The following ZNF385B variants were observed in gnomAD, a reference collection of about 807,000 sequenced individuals.
ZNF385B encodes zinc finger protein 533.
Under a neutral mutation model 39.2 loss-of-function variants are expected in ZNF385B, and 23 were observed. The ratio of observed to expected loss-of-function variants is 0.59; its 90% CI spans 0.42 to 0.83. The LOEUF (loss-of-function observed/expected upper bound fraction) is 0.83. Ranked by LOEUF, ZNF385B falls within the 40% of genes least tolerant of loss-of-function variation. The pLI is 0.00. For missense variants in ZNF385B, 552 were observed against 598.9 expected, an observed-to-expected ratio of 0.92 and a Z score of 0.82; for synonymous variants, 205 against 222.6, an observed-to-expected ratio of 0.92 and a Z score of 0.70.
At chr2:179,573,710 A>C (rs1685489976) in intron 3 of ZNF385B, among the ~76,000 whole-genome samples, 1 of 152,130 alleles carries the variant, frequency 6.6e-6, no homozygotes, top group South Asian at 2.1e-4. Context: ...GTAAGGGAAA[A>C]ATAAAAAACG....
intron 3 of ZNF385B, among the ~76,000 whole-genome samples, chr2:179,695,794 G>T (rs1698690936): frequency 6.6e-6 from 1 of 152,160 alleles, no homozygotes; most frequent in South Asian, 2.1e-4. Context: ...GTATGCAATT[G>T]TTTACAGCGG....
At chr2:179,820,182 T>C (rs1575551249) in intron 1 of ZNF385B, among the ~76,000 whole-genome samples, 1 of 152,152 alleles carries the variant, frequency 6.6e-6, no homozygotes, top group African/African-American at 2.4e-5. Context: ...TAATTTTCTA[T>C]AATACCTACT....
At chr2:179,788,214 C>T (rs947390192) in intron 1 of ZNF385B, among the ~76,000 whole-genome samples, 11 of 152,048 alleles carry the variant, frequency 7.2e-5, no homozygotes, top group African/African-American at 9.7e-5. Flanking sequence ...CACACACACA[C>T]GCACACACAC....
intron 1 of ZNF385B, among the ~76,000 whole-genome samples, chr2:179,825,686 C>T (rs1707640145): frequency 6.6e-6 from 1 of 152,144 alleles, no homozygotes; most frequent in Admixed American, 6.6e-5. Context: ...CACAAGATGA[C>T]TCACCAAGCC....
chr2:179,458,615 TG>T (rs1400787627), intron 6 of ZNF385B, among the ~76,000 whole-genome samples: 1 of 152,194 alleles, frequency 6.6e-6, no homozygotes, highest in Non-Finnish European at 1.5e-5. Flanking sequence ...GTCACTCTTT[TG>T]TAAGAGAAGT....
chr2:179,638,463 G>T (rs1691961606), intron 3 of ZNF385B, among the ~76,000 whole-genome samples: 1 of 152,094 alleles, frequency 6.6e-6, no homozygotes, highest in Admixed American at 6.6e-5. Context: ...GTGTGTTGTA[G>T]GACTGAGGAA....
At chr2:179,630,227 C>T (rs1691069548) in intron 3 of ZNF385B, among the ~76,000 whole-genome samples, 2 of 152,258 alleles carry the variant, frequency 1.3e-5, no homozygotes. Flanking sequence ...GGGTCCCTGA[C>T]TCCTGTGCAG....
At chr2:179,717,761 A>G (rs1700422958) in intron 3 of ZNF385B, among the ~76,000 whole-genome samples, 1 of 152,182 alleles carries the variant, frequency 6.6e-6, no homozygotes, top group South Asian at 2.1e-4. Flanking sequence ...TTCTCATGAT[A>G]GTTTCAACTG....
rs2061303454 is a variant in ZNF385B at position 179,561,061 on chromosome 2, TC to T, written c.299-16093del. ...ATTTTTACGGAAATTCATCATTGTG[TC>T]CTGGGTTATACAAATACTATACCAT... On this transcript the variant is annotated intron_variant, in intron 3 of 9. Coordinates refer to ENST00000410066, the MANE Select transcript of ZNF385B (RefSeq NM_152520.6). Among the ~76,000 whole-genome samples, 3 of 152,340 alleles carry T rather than the reference TC, an allele frequency of 2.0e-5. No homozygotes were observed. In the South Asian group the frequency reaches 6.2e-4, roughly 32 times the overall value.
At chr2:179,532,842 T>C (rs2059336358) in intron 4 of ZNF385B, among the ~76,000 whole-genome samples, 2 of 152,174 alleles carry the variant, frequency 1.3e-5, no homozygotes, top group South Asian at 2.1e-4. Context: ...ATCAAACCAC[T>C]ACAGTTCCAT....
intron 1 of ZNF385B, among the ~76,000 whole-genome samples, chr2:179,781,183 A>G (rs1704643171): frequency 6.6e-6 from 1 of 152,236 alleles, no homozygotes; most frequent in African/African-American, 2.4e-5. Context: ...AACCAAGAAT[A>G]GCCAGGGCAA....
intron 3 of ZNF385B, among the ~76,000 whole-genome samples, chr2:179,709,728 G>C (rs1349815780): frequency 6.6e-6 from 1 of 152,296 alleles, no homozygotes; most frequent in East Asian, 1.9e-4. Flanking sequence ...GCACAGGGAG[G>C]CCTCCAGGCC....
intron 3 of ZNF385B, among the ~76,000 whole-genome samples, chr2:179,683,131 T>C (rs1697650393): frequency 6.6e-6 from 1 of 152,116 alleles, no homozygotes; most frequent in African/African-American, 2.4e-5. Context: ...CTCACACCTG[T>C]TATCCCAGCA....
At chr2:179,811,442 C>G (rs781402956) in intron 1 of ZNF385B, among the ~76,000 whole-genome samples, 1 of 151,966 alleles carries the variant, frequency 6.6e-6, no homozygotes, top group Non-Finnish European at 1.5e-5. Context: ...CAGTGTGGTA[C>G]AAAAACAGAT....
At chr2:179,537,025 G>C (rs1429743187) in intron 4 of ZNF385B, among the ~76,000 whole-genome samples, 1 of 152,002 alleles carries the variant, frequency 6.6e-6, no homozygotes, top group Non-Finnish European at 1.5e-5. Flanking sequence ...AAAGGGTGAG[G>C]GACGGCCGGG....
At chr2:179,535,030 A>T (rs1171135205) in intron 4 of ZNF385B, among the ~76,000 whole-genome samples, 1 of 152,224 alleles carries the variant, frequency 6.6e-6, no homozygotes, top group Non-Finnish European at 1.5e-5. Flanking sequence ...GGATTTGATC[A>T]TACTATAATG....
chr2:179,798,874 T>C (rs1433804260), intron 1 of ZNF385B, among the ~76,000 whole-genome samples: 1 of 152,122 alleles, frequency 6.6e-6, no homozygotes, highest in African/African-American at 2.4e-5. Context: ...ATTTATGTTG[T>C]TTCCAAATTT....
At chr2:179,668,472 T>C (rs188410825) in intron 3 of ZNF385B, among the ~76,000 whole-genome samples, 9 of 152,334 alleles carry the variant, frequency 5.9e-5, no homozygotes, top group Non-Finnish European at 1.2e-4. Context: ...GTTCCTCCTT[T>C]ATTTCTATTT....
intron 3 of ZNF385B, among the ~76,000 whole-genome samples, chr2:179,590,480 ATTTC>A (rs1368524249): frequency 6.6e-6 from 1 of 151,976 alleles, no homozygotes; most frequent in Non-Finnish European, 1.5e-5. Context: ...TTGTGGCTTT[ATTTC>A]TTTATTTCTC....
Sources: gnomAD v4.1 joint callset for allele counts (sites outside exome capture counted in the v4.1 genomes callset) on GRCh38, gnomAD v4.1.1 for gene constraint, MANE v1.5 for transcripts, NCBI Gene and HGNC (gene_info 2026-07-23, HGNC 2026-07-21) for gene names.